SBF2: variants seen among roughly 807,000 people sequenced by gnomAD.
SBF2 encodes the protein SET binding factor 2, also known as myotubularin-related protein 13.
In SBF2, 112 loss-of-function variants were observed where a neutral mutation model predicts 225.2. The observed-to-expected ratio is 0.50, with a 90% confidence interval of 0.43 to 0.58. The LOEUF (loss-of-function observed/expected upper bound fraction) is 0.58, where lower values mean the gene tolerates loss of function less well. SBF2 is among the 20% of genes least tolerant of loss of function. The probability of loss-of-function intolerance (pLI) is 0.00; values close to 1 mark genes in which losing one functional copy is unlikely to be tolerated. For synonymous variants in SBF2, 763 were observed against 773.3 expected (o/e 0.99, Z 0.22); for missense variants, 1,996 against 2,206.2 (o/e 0.90, Z 1.91).
At position 10,133,831 on chromosome 11, in the gene SBF2, C is replaced by T. The variant is rs534084629; in HGVS notation, c.141+60071G>A. Among the ~76,000 whole-genome samples the T allele has an allele frequency of 7.9e-5, 12 of 152,290 alleles. No homozygotes were observed. The East Asian group carries it at 1.4e-3, about 17-fold the overall frequency. On this transcript the variant is annotated intron_variant, in intron 2 of 39. Transcript: ENST00000256190. ...AGGCAGGGGAGGTGCCGAGAGCAAG[C>T]GAGGGCTCTGAGGACTGCCAGCACG...
intron 1 of SBF2, among the ~76,000 whole-genome samples, chr11:10,301,884 G>A (rs1026558708): frequency 6.6e-6 from 1 of 152,180 alleles, no homozygotes; most frequent in African/African-American, 2.4e-5. Context: ...CCTAATGTCA[G>A]GATGTACACA....
At chr11:10,284,692 C>T (rs1359038380) in intron 1 of SBF2, among the ~76,000 whole-genome samples, 1 of 152,128 alleles carries the variant, frequency 6.6e-6, no homozygotes, top group African/African-American at 2.4e-5. Context: ...CTCACTGCAG[C>T]CTCGACCTCC....
intron 17 of SBF2, among the ~76,000 whole-genome samples, chr11:9,885,462 C>G (rs1860213321): frequency 6.6e-6 from 1 of 152,048 alleles, no homozygotes; most frequent in African/African-American, 2.4e-5. Context: ...GAACAAAACT[C>G]TTTCAAGTCT....
chr11:10,140,187 A>G (rs1263110454), intron 2 of SBF2, among the ~76,000 whole-genome samples: 1 of 152,110 alleles, frequency 6.6e-6, no homozygotes, highest in Non-Finnish European at 1.5e-5. Context: ...AGCTCCTAAA[A>G]CCTCTGGAAT....
intron 21 of SBF2, among the ~76,000 whole-genome samples, chr11:9,851,407 A>G (rs888529278): frequency 6.6e-6 from 1 of 152,112 alleles, no homozygotes; most frequent in Non-Finnish European, 1.5e-5. Context: ...TTTTGAAATT[A>G]TTTGCACATT....
At chr11:10,075,328 ACT>A (rs879840888) in intron 2 of SBF2, among the ~76,000 whole-genome samples, 4 of 152,238 alleles carry the variant, frequency 2.6e-5, no homozygotes, top group Non-Finnish European at 5.9e-5. Context: ...ATTAATAAAC[ACT>A]GTTATAGAAT....
At chr11:9,866,904 A>G (rs1046949518) in intron 17 of SBF2, among the ~76,000 whole-genome samples, 1 of 152,206 alleles carries the variant, frequency 6.6e-6, no homozygotes, top group Admixed American at 6.5e-5. Context: ...ACAAACAAAA[A>G]AAGGGCAAAT....
chr11:9,856,487 C>T lies in SBF2; in HGVS notation c.2334G>A (p.Glu778=). 1 of 1,614,164 alleles carries T rather than the reference C, an allele frequency of 6.2e-7. No individual in the cohort carries two copies. The highest frequency in any genetic ancestry group is 1.1e-5 in the South Asian group (1 of 91,074). Residue 778 remains glutamate (E), a synonymous_variant, in exon 19 of 40, where the codon GAG becomes GAA. Transcript: ENST00000256190. ...TTGTGACAATGCTGTTGCTTCCGCT[C>T]TCCCAGTCACCTGGCGCTGATGTTC... ...LLRTSAPGDW[E]SGSNSIVTNS... is the part of the protein sequence containing the mutation.
intron 3 of SBF2, among the ~76,000 whole-genome samples, chr11:10,041,200 A>G (rs1336980845): frequency 6.6e-6 from 1 of 152,166 alleles, no homozygotes; most frequent in African/African-American, 2.4e-5. Context: ...CGAAAGGCCA[A>G]TAAAAGAGAC....
intron 13 of SBF2, among the ~76,000 whole-genome samples, chr11:9,970,358 A>C (rs1321561604): frequency 1.3e-5 from 2 of 151,810 alleles, no homozygotes; most frequent in Non-Finnish European, 2.9e-5. Flanking sequence ...AGGGCCCACC[A>C]CCACGCCCGG....
At chr11:10,188,307 T>TA (rs1242777776) in intron 2 of SBF2, among the ~76,000 whole-genome samples, 11 of 152,172 alleles carry the variant, frequency 7.2e-5, no homozygotes, top group Admixed American at 7.2e-4. Flanking sequence ...ATAAGGGTGA[T>TA]ATGACAGACA....
chr11:10,126,630 T>A (rs555818809), intron 2 of SBF2, among the ~76,000 whole-genome samples: 1 of 152,172 alleles, frequency 6.6e-6, no homozygotes, highest in African/African-American at 2.4e-5. Context: ...AGTAAATAAA[T>A]ACTGAAAAAT....
At chr11:10,231,236 C>G (rs1958828671) in intron 1 of SBF2, among the ~76,000 whole-genome samples, 1 of 152,134 alleles carries the variant, frequency 6.6e-6, no homozygotes, top group African/African-American at 2.4e-5. Flanking sequence ...AGGTTTTTAA[C>G]TTCTTTGCCA....
chr11:10,060,679 C>G (rs572923372), intron 2 of SBF2, among the ~76,000 whole-genome samples: 42 of 152,220 alleles, frequency 2.8e-4, no homozygotes, highest in African/African-American at 1.0e-3. Context: ...AAAGCTAACC[C>G]ACCATGACCA....
chr11:10,144,042 C>T (rs1160644717), intron 2 of SBF2, among the ~76,000 whole-genome samples: 1 of 152,156 alleles, frequency 6.6e-6, no homozygotes, highest in Non-Finnish European at 1.5e-5. Context: ...TTGACAAATG[C>T]ATAGAGATAT....
intron 1 of SBF2, among the ~76,000 whole-genome samples, chr11:10,228,753 T>G (rs1200290379): frequency 3.9e-5 from 6 of 152,230 alleles, no homozygotes; most frequent in Admixed American, 1.3e-4. Context: ...TGCATCAATG[T>G]TCATCAAGGA....
chr11:10,201,395 G>T (rs1023404938), intron 1 of SBF2, among the ~76,000 whole-genome samples: 2 of 152,154 alleles, frequency 1.3e-5, no homozygotes, highest in African/African-American at 4.8e-5. Context: ...AGATCTAATT[G>T]TGCCAGTATA....
intron 14 of SBF2, among the ~76,000 whole-genome samples, chr11:9,967,154 G>A (rs746220145): frequency 1.3e-5 from 2 of 151,752 alleles, no homozygotes; most frequent in Non-Finnish European, 2.9e-5. Flanking sequence ...GGCAGATCAC[G>A]AGGTCAGGAG....
chr11:9,915,933 G>A (rs1171368159), intron 16 of SBF2, among the ~76,000 whole-genome samples: 1 of 152,034 alleles, frequency 6.6e-6, no homozygotes, highest in East Asian at 1.9e-4. Flanking sequence ...GTGTGGTGGT[G>A]TGCACCTGTA....
Sources: allele counts gnomAD v4.1 joint callset (sites outside exome capture counted in the v4.1 genomes callset), GRCh38; gene constraint gnomAD v4.1.1; transcripts MANE v1.5; gene names NCBI Gene and HGNC (gene_info 2026-07-23, HGNC 2026-07-21).